Variants in COMMD10 observed in about 807,000 individuals in gnomAD.
The protein encoded by COMMD10 is COMM domain containing 10.
Under a neutral mutation model 28.9 loss-of-function variants are expected in COMMD10, and 33 were observed. The ratio of observed to expected loss-of-function variants is 1.14; its 90% CI spans 0.87 to 1.53. The LOEUF (loss-of-function observed/expected upper bound fraction) is 1.53. Among genes scored for constraint, COMMD10 ranks in the 40% most tolerant of loss-of-function variants. The pLI is 0.00. For synonymous variants in COMMD10, 110 were observed against 81.7 expected (o/e 1.35, Z -1.87); for missense variants, 310 against 233.4 (o/e 1.33, Z -2.14).
At chr5:116,126,962 A>G (rs1204972586) in intron 4 of COMMD10, among the ~76,000 whole-genome samples, 1 of 152,252 alleles carries the variant, frequency 6.6e-6, no homozygotes, top group African/African-American at 2.4e-5. Flanking sequence ...GCACAGCAAA[A>G]GAAACTACCA....
At chr5:116,112,912 A>G (rs1751102761) in intron 4 of COMMD10, among the ~76,000 whole-genome samples, 1 of 152,000 alleles carries the variant, frequency 6.6e-6, no homozygotes, top group African/African-American at 2.4e-5. Flanking sequence ...TATCTTTACT[A>G]GTGTATTTTA....
chr5:116,249,261 A>C (rs1490963943), intron 5 of COMMD10, among the ~76,000 whole-genome samples: 1 of 151,962 alleles, frequency 6.6e-6, no homozygotes, highest in Non-Finnish European at 1.5e-5. Flanking sequence ...GGATTGAGGT[A>C]TGCCCTCAAA....
At chr5:116,218,336 T>C in intron 5 of COMMD10, 2 of 662,910 alleles carry the variant, frequency 3.0e-6, no homozygotes, top group Admixed American at 1.9e-5. Flanking sequence ...GCACTGGGCG[T>C]AGGATGCAGA....
chr5:116,206,752 A>T (rs1748823851), intron 5 of COMMD10, among the ~76,000 whole-genome samples: 1 of 152,220 alleles, frequency 6.6e-6, no homozygotes. Context: ...AAATAAAAAT[A>T]CAATTCATAT....
chr5:116,267,802 A>G (rs1450976985), intron 5 of COMMD10, among the ~76,000 whole-genome samples: 3 of 151,910 alleles, frequency 2.0e-5, no homozygotes, highest in Non-Finnish European at 2.9e-5. Flanking sequence ...CCACACATCT[A>G]CAACCATCTG....
chr5:116,237,234 G>T (rs1414785462), intron 5 of COMMD10, among the ~76,000 whole-genome samples: 1 of 152,072 alleles, frequency 6.6e-6, no homozygotes, highest in Non-Finnish European at 1.5e-5. Flanking sequence ...GAGAATGGTG[G>T]GAAATAAGAT....
At chr5:116,140,822 A>G (rs1003229293) in intron 5 of COMMD10, among the ~76,000 whole-genome samples, 2 of 151,766 alleles carry the variant, frequency 1.3e-5, no homozygotes, top group Admixed American at 6.6e-5. Flanking sequence ...TTCCTTATAC[A>G]TGTTGTATAT....
At chr5:116,254,617 A>C (rs368138468) in intron 5 of COMMD10, among the ~76,000 whole-genome samples, 4 of 151,584 alleles carry the variant, frequency 2.6e-5, no homozygotes, top group African/African-American at 9.7e-5. Flanking sequence ...TTTGAGTGAG[A>C]TTCTTAATCC....
chr5:116,149,257 G>A (rs1304365654), intron 5 of COMMD10, among the ~76,000 whole-genome samples: 1 of 143,656 alleles, frequency 7.0e-6, no homozygotes, highest in East Asian at 2.0e-4. Context: ...GTCTATCATT[G>A]TTGGACATTT....
At chr5:116,258,641 T>C (rs529124496) in intron 5 of COMMD10, among the ~76,000 whole-genome samples, 2 of 151,986 alleles carry the variant, frequency 1.3e-5, no homozygotes, top group Admixed American at 1.3e-4. Flanking sequence ...TATTGACTTT[T>C]CTGATATTGC....
At chr5:116,207,388 T>A (rs867489147) in intron 5 of COMMD10, among the ~76,000 whole-genome samples, 61 of 152,174 alleles carry the variant, frequency 4.0e-4, no homozygotes, top group African/African-American at 1.4e-3. Context: ...TAGTGAGAGA[T>A]CTGTTACTTT....
chr5:116,257,207 T>TA (rs1384870682), intron 5 of COMMD10, among the ~76,000 whole-genome samples: 1 of 135,950 alleles, frequency 7.4e-6, no homozygotes, highest in African/African-American at 3.4e-5. Context: ...ATAAGGCCAC[T>TA]TACGGAATTT....
intron 5 of COMMD10, among the ~76,000 whole-genome samples, chr5:116,178,408 A>G (rs887716397): frequency 2.6e-5 from 4 of 152,144 alleles, no homozygotes; most frequent in Admixed American, 6.6e-5. Flanking sequence ...GTTCTAAAGT[A>G]TATGATTACA....
chr5:116,191,538 A>T (rs1748372308), intron 5 of COMMD10, among the ~76,000 whole-genome samples: 1 of 151,336 alleles, frequency 6.6e-6, no homozygotes, highest in South Asian at 2.1e-4. Flanking sequence ...CTTCCCTGAC[A>T]ACCTGCATGA....
intron 5 of COMMD10, among the ~76,000 whole-genome samples, chr5:116,231,872 G>T (rs1749538033): frequency 6.6e-6 from 1 of 152,014 alleles, no homozygotes; most frequent in Admixed American, 6.6e-5. Context: ...AATATAAAAT[G>T]TAATGTTTAA....
chr5:116,254,273 A>T (rs565471412), intron 5 of COMMD10, among the ~76,000 whole-genome samples: 1 of 152,042 alleles, frequency 6.6e-6, no homozygotes. Flanking sequence ...AATTTTTTGA[A>T]GGTTTTTTTG....
chr5:116,192,540 C>T (rs1748397869), intron 5 of COMMD10, among the ~76,000 whole-genome samples: 1 of 151,990 alleles, frequency 6.6e-6, no homozygotes, highest in Non-Finnish European at 1.5e-5. Context: ...AAAGTCTCAA[C>T]AATAGAATTG....
At chr5:116,211,869 A>G (rs973779296) in intron 5 of COMMD10, among the ~76,000 whole-genome samples, 2 of 152,168 alleles carry the variant, frequency 1.3e-5, no homozygotes, top group Non-Finnish European at 1.5e-5. Flanking sequence ...TGAAACATAC[A>G]TACAAAACAA....
At chr5:116,103,498 C>G (rs1362483989) in intron 4 of COMMD10, among the ~76,000 whole-genome samples, 1 of 152,108 alleles carries the variant, frequency 6.6e-6, no homozygotes. Context: ...ATCCTTTGCC[C>G]ACTTTTTGAT....
Sources: gnomAD v4.1 joint callset for allele counts (sites outside exome capture counted in the v4.1 genomes callset) on GRCh38, gnomAD v4.1.1 for gene constraint, MANE v1.5 for transcripts, NCBI Gene and HGNC (gene_info 2026-07-23, HGNC 2026-07-21) for gene names.